The following COL28A1 variants were observed in gnomAD, a reference collection of about 807,000 sequenced individuals.
COL28A1 encodes the protein collagen alpha-1(XXVIII) chain.
COL28A1 carries 161 observed loss-of-function variants against 150.2 expected under a neutral mutation model. That is an observed-to-expected ratio of 1.07 (90% confidence interval 0.94 to 1.22). COL28A1 has a LOEUF of 1.22. COL28A1 is among the 50% of genes most tolerant of loss of function. COL28A1 has a pLI of 0.00. For synonymous variants in COL28A1, 552 were observed against 469.7 expected, an observed-to-expected ratio of 1.18 and a Z score of -2.26; for missense variants, 1,617 against 1,388.3, an observed-to-expected ratio of 1.16 and a Z score of -2.62.
chr7:7,524,320 C>A, intron 3 of COL28A1, 71 bp from the exon 4 acceptor site: 1 of 875,716 alleles, frequency 1.1e-6, no homozygotes, highest in African/African-American at 1.6e-5. Context: ...TTAGTCATAA[C>A]TATTCCCTAT....
intron 11 of COL28A1, among the ~76,000 whole-genome samples, chr7:7,495,948 A>T (rs1356177722): frequency 6.6e-6 from 1 of 151,928 alleles, no homozygotes; most frequent in Non-Finnish European, 1.5e-5. Context: ...TTTACTCCCC[A>T]CCCCAGCAAC....
chr7:7,384,212 G>A (rs1339779206), intron 27 of COL28A1, among the ~76,000 whole-genome samples: 1 of 152,160 alleles, frequency 6.6e-6, no homozygotes, highest in Admixed American at 6.5e-5. Flanking sequence ...GCCAAACCCA[G>A]TGCAGTAACA....
Position 7,360,418 on chromosome 7 carries a change from C to CA in COL28A1, c.3176dup (p.Leu1060AlafsTer12). The CA allele has an allele frequency of 6.2e-6, 10 of 1,604,208 alleles. No homozygotes were observed. Among genetic ancestry groups the CA allele is most frequent in the Non-Finnish European group, 8.5e-6 (10 of 1,177,212 alleles). ...CTGCCCCATCCACAGGGGTGCTGAGCAGTGGCCTGGGGGTGGTGGTGGCCT... is the reference window on the plus strand; with the variant it reads ...CTGCCCCATCCACAGGGGTGCTGAGCAAGTGGCCTGGGGGTGGTGGTGGCCT... On this transcript the variant is annotated frameshift_variant, in exon 34 of 35. Transcript: ENST00000399429. LOFTEE classifies it low-confidence loss of function (END_TRUNC).
chr7:7,430,841 A>G (rs1313714137), intron 25 of COL28A1, among the ~76,000 whole-genome samples: 2 of 152,200 alleles, frequency 1.3e-5, no homozygotes, highest in Non-Finnish European at 2.9e-5. Context: ...TTATTGATAC[A>G]GTTGAGGCTT....
At chr7:7,431,358 C>A in intron 25 of COL28A1, 1 of 345,532 alleles carries the variant, frequency 2.9e-6, no homozygotes, top group Non-Finnish European at 5.8e-6. Flanking sequence ...AACCTTCACT[C>A]TCATGGAATA....
intron 15 of COL28A1, among the ~76,000 whole-genome samples, chr7:7,473,912 GTT>G (rs1465601866): frequency 2.0e-5 from 3 of 149,336 alleles, no homozygotes; most frequent in Non-Finnish European, 4.4e-5. Flanking sequence ...TAGTGTGTGT[GTT>G]TGTTTATATA....
intron 27 of COL28A1, among the ~76,000 whole-genome samples, chr7:7,403,474 A>C (rs189056004): frequency 6.6e-5 from 10 of 152,206 alleles, no homozygotes; most frequent in Admixed American, 2.0e-4. Context: ...TTATACTCAC[A>C]CTCACATTTT....
chr7:7,489,135 G>C (rs1488917437), intron 13 of COL28A1, among the ~76,000 whole-genome samples: 1 of 152,142 alleles, frequency 6.6e-6, no homozygotes, highest in Non-Finnish European at 1.5e-5. Flanking sequence ...GCTGGGCCTG[G>C]TGACGTGCAC....
chr7:7,416,066 G>C (rs911062828), intron 27 of COL28A1, among the ~76,000 whole-genome samples: 2 of 152,212 alleles, frequency 1.3e-5, no homozygotes, highest in African/African-American at 4.8e-5. Flanking sequence ...GCCTCCCACA[G>C]TGCTGAGATT....
intron 25 of COL28A1, among the ~76,000 whole-genome samples, chr7:7,427,597 C>T (rs956435493): frequency 6.6e-5 from 10 of 152,082 alleles, no homozygotes; most frequent in African/African-American, 2.4e-4. Context: ...AACAGAGGGG[C>T]AATTCAGATG....
intron 15 of COL28A1, among the ~76,000 whole-genome samples, chr7:7,461,824 A>G (rs904321058): frequency 6.6e-6 from 1 of 152,268 alleles, no homozygotes; most frequent in Admixed American, 6.5e-5. Context: ...ACTGAAGACA[A>G]AGGGCATATA....
intron 7 of COL28A1, among the ~76,000 whole-genome samples, chr7:7,516,264 C>G (rs966309459): frequency 1.3e-5 from 2 of 152,304 alleles, no homozygotes; most frequent in Admixed American, 6.5e-5. Flanking sequence ...TGAAAATGAG[C>G]TGAGATAATG....
rs762456524 is a variant in COL28A1, at chr7:7,444,460, T to A, written c.1539A>T (p.Gly513=). ...KGEPGSIGLP[G]QPGVPGEDGA... Reference sequence around the variant, plus strand: ...CATCTTCTCCTGGTACTCCTGGTTGTCCTGGGAGCCCTATTGAGCCTGGCT... The same window carrying A: ...CATCTTCTCCTGGTACTCCTGGTTGACCTGGGAGCCCTATTGAGCCTGGCT... The change falls in exon 19 of 35, where the codon GGA becomes GGT. Residue 513 remains glycine, a synonymous_variant. Coordinates refer to ENST00000399429, the MANE Select transcript of COL28A1 (RefSeq NM_001037763.3). 1 of 1,614,070 alleles carries A rather than the reference T, an allele frequency of 6.2e-7. No homozygotes were observed. The highest frequency in any genetic ancestry group is 8.5e-7 in the Non-Finnish European group (1 of 1,179,994).
chr7:7,502,691 C>CTTTTTTTTTTTT (rs763064730), intron 11 of COL28A1, among the ~76,000 whole-genome samples: 2 of 73,928 alleles, frequency 2.7e-5, no homozygotes, highest in Non-Finnish European at 4.5e-5. Context: ...TATTCCCTTC[C>CTTTTTTTTTTTT]TTTTTTTTTT....
intron 33 of COL28A1, among the ~76,000 whole-genome samples, chr7:7,368,389 G>GTTTTTTTTTTGTTTTT (rs34289231): frequency 4.0e-5 from 6 of 150,124 alleles, no homozygotes; most frequent in African/African-American, 9.9e-5. Context: ...TTTGCCTACT[G>GTTTTTTTTTTGTTTTT]TTTTTTTTGT....
intron 15 of COL28A1, among the ~76,000 whole-genome samples, chr7:7,456,621 T>C (rs947791852): frequency 3.3e-5 from 5 of 152,170 alleles, no homozygotes; most frequent in Admixed American, 6.5e-5. Context: ...TTCCATGAAA[T>C]TGAGAAAACA....
At chr7:7,500,521 A>G (rs776999631) in intron 11 of COL28A1, among the ~76,000 whole-genome samples, 2 of 152,216 alleles carry the variant, frequency 1.3e-5, no homozygotes, top group Non-Finnish European at 2.9e-5. Flanking sequence ...AAGACTAGGA[A>G]TGATTAACGG....
chr7:7,358,808 A>G lies in COL28A1; in HGVS notation c.3206-3T>C, dbSNP rs1377565753. ...CAAGGCTTCCAAACATCTAGGATCTAGAGTGAGAAAAGGAAAATGTGTCAC... is the reference window on the plus strand; with the variant it reads ...CAAGGCTTCCAAACATCTAGGATCTGGAGTGAGAAAAGGAAAATGTGTCAC... On this transcript the variant is annotated splice_polypyrimidine_tract_variant and splice_region_variant and intron_variant, in intron 34 of 34. Transcript: ENST00000399429. 6.2e-7 allele frequency: 1 copy of G among 1,605,496 alleles called. No individual in the cohort carries two copies. The highest frequency in any genetic ancestry group is 1.3e-5 in the African/African-American group (1 of 74,394).
intron 27 of COL28A1, among the ~76,000 whole-genome samples, chr7:7,388,545 A>G (rs1291749753): frequency 6.6e-6 from 1 of 152,126 alleles, no homozygotes; most frequent in African/African-American, 2.4e-5. Flanking sequence ...GCTGGGTCAA[A>G]TGGTATTTCT....
Sources: allele counts gnomAD v4.1 joint callset (sites outside exome capture counted in the v4.1 genomes callset), GRCh38; gene constraint gnomAD v4.1.1; transcripts MANE v1.5; gene names NCBI Gene and HGNC (gene_info 2026-07-23, HGNC 2026-07-21).